Variants in NRG3 observed in about 807,000 individuals in gnomAD.
NRG3 encodes the protein pro-neuregulin-3, membrane-bound isoform.
NRG3 carries 31 observed loss-of-function variants against 66.9 expected under a neutral mutation model. The ratio of observed to expected loss-of-function variants is 0.46; its 90% CI spans 0.35 to 0.63. The LOEUF (loss-of-function observed/expected upper bound fraction) is 0.63. Among genes scored for constraint, NRG3 ranks in the 20% least tolerant of loss-of-function variants. The pLI is 0.00. For synonymous variants in NRG3, 393 were observed against 359.4 expected, an observed-to-expected ratio of 1.09 and a Z score of -1.06; for missense variants, 910 against 878.9, an observed-to-expected ratio of 1.04 and a Z score of -0.45.
intron 2 of NRG3, among the ~76,000 whole-genome samples, chr10:82,371,683 G>A (rs2084905846): frequency 6.6e-6 from 1 of 152,194 alleles, no homozygotes; most frequent in Admixed American, 6.5e-5. Flanking sequence ...TTTGGCTCAT[G>A]ATTCTGATAG....
intron 1 of NRG3, among the ~76,000 whole-genome samples, chr10:82,322,485 C>A (rs924250319): frequency 6.6e-6 from 1 of 151,636 alleles, no homozygotes; most frequent in African/African-American, 2.4e-5. Context: ...TTAGTTCTAG[C>A]TTTCCAAAGA....
chr10:82,915,633 T>TA (rs80023205), intron 4 of NRG3, among the ~76,000 whole-genome samples: 11 of 150,530 alleles, frequency 7.3e-5, no homozygotes, highest in South Asian at 4.2e-4. Context: ...CACTTCAAAG[T>TA]AAAAAAAAAA....
intron 2 of NRG3, among the ~76,000 whole-genome samples, chr10:82,416,199 A>G (rs1326127654): frequency 6.6e-6 from 1 of 152,094 alleles, no homozygotes; most frequent in Non-Finnish European, 1.5e-5. Flanking sequence ...CAAAGTCCAA[A>G]CTCTTTAGTA....
At chr10:82,109,214 T>C (rs2067232656) in intron 1 of NRG3, among the ~76,000 whole-genome samples, 1 of 152,130 alleles carries the variant, frequency 6.6e-6, no homozygotes, top group African/African-American at 2.4e-5. Flanking sequence ...GAGTAGAACA[T>C]GGGAGATTCC....
At chr10:82,673,101 T>G (rs929368295) in intron 2 of NRG3, among the ~76,000 whole-genome samples, 1 of 152,158 alleles carries the variant, frequency 6.6e-6, no homozygotes, top group Non-Finnish European at 1.5e-5. Context: ...CCCAAAGATC[T>G]ATGCATGAGG....
rs1318095947 is a variant in NRG3 at position 82,132,516 on chromosome 10, G to GAT, written c.824-226216_824-226215dup. Among the ~76,000 whole-genome samples the GAT allele has an allele frequency of 3.8e-3, 45 of 11,830 alleles. 3 individuals are homozygous for GAT. The highest frequency in any genetic ancestry group is 0.031 in the Middle Eastern group (1 of 32). 7.8% of individuals were successfully genotyped at this position (11,830 alleles called of 152,430 possible). A position where few individuals can be genotyped will look rare whatever the true frequency, so the allele number is the denominator to read the frequency against. On this transcript the variant is annotated intron_variant, in intron 1 of 8. Coordinates refer to ENST00000372141, the MANE Select transcript of NRG3 (RefSeq NM_001010848.4). ...TGATATATATATATCATATATATAT[G>GAT]ATATATATGATATATATATGATATA...
chr10:82,614,139 C>A (rs911489962), intron 2 of NRG3, among the ~76,000 whole-genome samples: 4 of 151,620 alleles, frequency 2.6e-5, no homozygotes, highest in African/African-American at 9.7e-5. Context: ...ACCTTGTGAT[C>A]CGCCTGCCTT....
At chr10:82,677,321 G>A (rs992047305) in intron 2 of NRG3, among the ~76,000 whole-genome samples, 14 of 152,044 alleles carry the variant, frequency 9.2e-5, no homozygotes, top group African/African-American at 1.9e-4. Flanking sequence ...GATTATAGGC[G>A]CGAGCCACTA....
chr10:82,234,880 A>G (rs1427489981), intron 1 of NRG3, among the ~76,000 whole-genome samples: 4 of 152,220 alleles, frequency 2.6e-5, no homozygotes, highest in African/African-American at 9.6e-5. Flanking sequence ...CTCCACTGAT[A>G]ACTTTCTTCC....
chr10:82,396,105 A>C (rs1299734701), intron 2 of NRG3, among the ~76,000 whole-genome samples: 1 of 152,028 alleles, frequency 6.6e-6, no homozygotes, highest in Non-Finnish European at 1.5e-5. Context: ...AAATTGCCAT[A>C]CTCCTTTCAA....
chr10:82,517,322 GA>G (rs974696250), intron 2 of NRG3, among the ~76,000 whole-genome samples: 1 of 151,912 alleles, frequency 6.6e-6, no homozygotes, highest in African/African-American at 2.4e-5. Context: ...AAAATAAGGG[GA>G]AAAAAGTATG....
intron 3 of NRG3, among the ~76,000 whole-genome samples, chr10:82,864,216 A>C (rs926828566): frequency 4.6e-5 from 7 of 152,154 alleles, no homozygotes; most frequent in Non-Finnish European, 1.0e-4. Flanking sequence ...TAACAAAAGT[A>C]ATGGCAAAAA....
chr10:82,826,615 G>C (rs1172621288), intron 3 of NRG3, among the ~76,000 whole-genome samples: 1 of 152,174 alleles, frequency 6.6e-6, no homozygotes, highest in Non-Finnish European at 1.5e-5. Flanking sequence ...TCAGCAACAT[G>C]GATGCAGCTG....
intron 1 of NRG3, among the ~76,000 whole-genome samples, chr10:81,984,319 A>G (rs2060442634): frequency 6.6e-6 from 1 of 152,202 alleles, no homozygotes; most frequent in Non-Finnish European, 1.5e-5. Flanking sequence ...TCATTTATCT[A>G]CATTCTTCTT....
intron 1 of NRG3, among the ~76,000 whole-genome samples, chr10:81,887,359 TAGAC>T (rs1240677907): frequency 6.6e-6 from 1 of 152,134 alleles, no homozygotes; most frequent in African/African-American, 2.4e-5. Context: ...CTGCAGATGT[TAGAC>T]AGTCTTAGTA....
chr10:82,904,697 A>G (rs1466280845), intron 4 of NRG3, among the ~76,000 whole-genome samples: 1 of 152,140 alleles, frequency 6.6e-6, no homozygotes, highest in Non-Finnish European at 1.5e-5. Context: ...TCTTTGCTAG[A>G]CCTCTGTGTT....
chr10:82,555,023 C>T lies in NRG3; in HGVS notation c.954-183554C>T, dbSNP rs187213201. 4.7e-3 allele frequency among the ~76,000 whole-genome samples: 720 copies of T among 152,228 alleles called. 20 individuals carry two copies. The highest frequency in any genetic ancestry group is 1.1e-3 in the Non-Finnish European group (76 of 68,006). ...CTCCACTCCCTCACTGTGTTCTAGT[C>T]CCCTAAAAACTCAAATGACTTTACT... On this transcript the variant is annotated intron_variant, in intron 2 of 8. Coordinates refer to ENST00000372141, the MANE Select transcript of NRG3 (RefSeq NM_001010848.4).
intron 1 of NRG3, among the ~76,000 whole-genome samples, chr10:82,063,406 G>A (rs1050623854): frequency 6.6e-6 from 1 of 151,554 alleles, no homozygotes; most frequent in Non-Finnish European, 1.5e-5. Context: ...AGATGAGAAA[G>A]TATAAACATA....
intron 1 of NRG3, among the ~76,000 whole-genome samples, chr10:82,215,512 G>T (rs1220781630): frequency 6.6e-6 from 1 of 152,108 alleles, no homozygotes. Flanking sequence ...GTGTGTATAT[G>T]TGTGTGTGTG....
Sources: allele counts gnomAD v4.1 joint callset (sites outside exome capture counted in the v4.1 genomes callset), GRCh38; gene constraint gnomAD v4.1.1; transcripts MANE v1.5; gene names NCBI Gene and HGNC (gene_info 2026-07-23, HGNC 2026-07-21).